CCDC91: variants seen among roughly 807,000 people sequenced by gnomAD.
The protein encoded by CCDC91 is coiled-coil domain containing 91.
CCDC91 carries 48 observed loss-of-function variants against 63.2 expected under a neutral mutation model. The ratio of observed to expected loss-of-function variants is 0.76; its 90% CI spans 0.60 to 0.97. The LOEUF (loss-of-function observed/expected upper bound fraction) is 0.97. Ranked by LOEUF, CCDC91 falls within the 50% of genes least tolerant of loss-of-function variation. The probability of loss-of-function intolerance (pLI) is 0.00; values close to 1 mark genes in which losing one functional copy is unlikely to be tolerated. For missense variants in CCDC91, 500 were observed against 494.6 expected (o/e 1.01, Z -0.10); for synonymous variants, 167 against 165.8 (o/e 1.01, Z -0.06).
At chr12:28,200,996 G>A (rs1261846836) in intron 1 of CCDC91, among the ~76,000 whole-genome samples, 19 of 127,634 alleles carry the variant, frequency 1.5e-4, no homozygotes, top group Non-Finnish European at 2.3e-4. Context: ...CTGGCCGGGC[G>A]GGGGGCTGAC....
intron 6 of CCDC91, among the ~76,000 whole-genome samples, chr12:28,348,321 A>C (rs1942952747): frequency 6.6e-6 from 1 of 152,120 alleles, no homozygotes; most frequent in Non-Finnish European, 1.5e-5. Flanking sequence ...AACAGTTCCT[A>C]CTGGCATTAT....
intron 1 of CCDC91, among the ~76,000 whole-genome samples, chr12:28,214,729 T>C (rs1943457794): frequency 6.6e-6 from 1 of 152,206 alleles, no homozygotes; most frequent in African/African-American, 2.4e-5. Context: ...AATAGAAATG[T>C]CATTCAAAAT....
At chr12:28,491,882 T>C (rs1386965169) in intron 12 of CCDC91, among the ~76,000 whole-genome samples, 1 of 150,612 alleles carries the variant, frequency 6.6e-6, no homozygotes, top group Non-Finnish European at 1.5e-5. Flanking sequence ...TGTGTGTGTG[T>C]GTGTGTGTGT....
chr12:28,213,603 C>T (rs1943381338), intron 1 of CCDC91, among the ~76,000 whole-genome samples: 1 of 152,172 alleles, frequency 6.6e-6, no homozygotes. Context: ...CTTATTCCTG[C>T]TGGAGTAGAC....
intron 12 of CCDC91, among the ~76,000 whole-genome samples, chr12:28,511,837 C>T (rs1047015558): frequency 4.0e-5 from 6 of 151,770 alleles, no homozygotes; most frequent in African/African-American, 1.5e-4. Context: ...CCACCATAAC[C>T]GGGAGCTTTG....
chr12:28,221,859 C>G (rs1271774682), intron 1 of CCDC91, among the ~76,000 whole-genome samples: 1 of 152,160 alleles, frequency 6.6e-6, no homozygotes, highest in Non-Finnish European at 1.5e-5. Flanking sequence ...TTCTCTGGAG[C>G]TCTATTTCTC....
At chr12:28,545,488 C>T (rs1359168848) in intron 12 of CCDC91, among the ~76,000 whole-genome samples, 1 of 152,086 alleles carries the variant, frequency 6.6e-6, no homozygotes, top group Non-Finnish European at 1.5e-5. Flanking sequence ...GAAGGACCCA[C>T]AAAAGTGGAA....
intron 12 of CCDC91, among the ~76,000 whole-genome samples, chr12:28,545,988 ATTGT>A (rs762396558): frequency 5.9e-5 from 9 of 152,112 alleles, no homozygotes; most frequent in Non-Finnish European, 1.3e-4. Flanking sequence ...GTATCTCCTG[ATTGT>A]TCTGGGCGAT....
intron 12 of CCDC91, among the ~76,000 whole-genome samples, chr12:28,536,221 A>T (rs1402270264): frequency 6.6e-6 from 1 of 152,204 alleles, no homozygotes; most frequent in African/African-American, 2.4e-5. Context: ...ACTGAAAAAG[A>T]AACAAAAGTT....
At chr12:28,248,357 GAT>G (rs1304128541) in intron 1 of CCDC91, among the ~76,000 whole-genome samples, 2 of 152,182 alleles carry the variant, frequency 1.3e-5, no homozygotes, top group Non-Finnish European at 2.9e-5. Flanking sequence ...CTAAATTAGA[GAT>G]AGAGATACCA....
intron 1 of CCDC91, among the ~76,000 whole-genome samples, chr12:28,249,838 A>G (rs985641530): frequency 6.6e-6 from 1 of 152,082 alleles, no homozygotes; most frequent in African/African-American, 2.4e-5. Flanking sequence ...AGGAAGTAGT[A>G]TATCTTACCT....
intron 3 of CCDC91, among the ~76,000 whole-genome samples, chr12:28,260,611 C>T (rs1946763064): frequency 6.6e-6 from 1 of 151,818 alleles, no homozygotes; most frequent in African/African-American, 2.4e-5. Flanking sequence ...CCTCCCATGT[C>T]TACGTGCACC....
intron 11 of CCDC91, among the ~76,000 whole-genome samples, chr12:28,476,355 A>G (rs561581290): frequency 1.1e-4 from 16 of 152,246 alleles, no homozygotes; most frequent in African/African-American, 3.4e-4. Context: ...AAACTGAACA[A>G]CCTGCTCCTG....
chr12:28,416,007 G>A (rs1379094951), intron 8 of CCDC91, among the ~76,000 whole-genome samples: 1 of 151,416 alleles, frequency 6.6e-6, no homozygotes, highest in African/African-American at 2.4e-5. Flanking sequence ...CCAGTCATGA[G>A]GTAATTTATC....
chr12:28,429,948 T>C (rs1948540876), intron 8 of CCDC91, among the ~76,000 whole-genome samples: 1 of 152,098 alleles, frequency 6.6e-6, no homozygotes, highest in South Asian at 2.1e-4. Context: ...TATTTTGACC[T>C]TTTGTGATTT....
At chr12:28,267,778 TA>T (rs1947333315) in intron 3 of CCDC91, among the ~76,000 whole-genome samples, 2 of 69,668 alleles carry the variant, frequency 2.9e-5, no homozygotes, top group African/African-American at 1.0e-4. Context: ...ATTATATTAT[TA>T]ATATATAATT....
At chr12:28,317,646 C>T (rs1940036842) in intron 6 of CCDC91, among the ~76,000 whole-genome samples, 1 of 151,920 alleles carries the variant, frequency 6.6e-6, no homozygotes, top group Non-Finnish European at 1.5e-5. Flanking sequence ...GCCTAAGAGC[C>T]ACTAAAGTTG....
intron 12 of CCDC91, among the ~76,000 whole-genome samples, chr12:28,523,001 G>T (rs919952491): frequency 6.6e-6 from 1 of 152,130 alleles, no homozygotes; most frequent in African/African-American, 2.4e-5. Flanking sequence ...CAACTATGTG[G>T]TCAGTTTTTG....
At chr12:28,258,018 T>C (rs1029204824) in intron 2 of CCDC91, among the ~76,000 whole-genome samples, 1 of 151,788 alleles carries the variant, frequency 6.6e-6, no homozygotes, top group African/African-American at 2.4e-5. Context: ...TTAATGACCT[T>C]AATAGGATGA....
Sources: allele counts gnomAD v4.1 joint callset (sites outside exome capture counted in the v4.1 genomes callset), GRCh38; gene constraint gnomAD v4.1.1; transcripts MANE v1.5; gene names NCBI Gene and HGNC (gene_info 2026-07-23, HGNC 2026-07-21).